LUZP2: variants seen among roughly 807,000 people sequenced by gnomAD.
LUZP2 encodes leucine zipper protein 2.
Under a neutral mutation model 51.6 loss-of-function variants are expected in LUZP2, and 52 were observed. The ratio of observed to expected loss-of-function variants is 1.01; its 90% confidence interval spans 0.81 to 1.27. LUZP2 has a LOEUF of 1.27. LUZP2 is among the 50% of genes most tolerant of loss of function. The pLI is 0.00. For missense variants in LUZP2, 436 were observed against 395.4 expected (o/e 1.10, Z -0.87); for synonymous variants, 154 against 137.3 (o/e 1.12, Z -0.85).
chr11:24,682,643 C>T (rs552587021), intron 1 of LUZP2, among the ~76,000 whole-genome samples: 7 of 146,880 alleles, frequency 4.8e-5, no homozygotes, highest in Middle Eastern at 3.6e-3. Flanking sequence ...CATATATATA[C>T]ACACACACAC....
chr11:24,903,601 G>C (rs12290807), intron 5 of LUZP2, among the ~76,000 whole-genome samples: 1 of 151,980 alleles, frequency 6.6e-6, no homozygotes, highest in Non-Finnish European at 1.5e-5. Flanking sequence ...GAGTTATTGC[G>C]TATAATATGT....
chr11:24,759,183 T>C (rs1859886890), intron 4 of LUZP2, among the ~76,000 whole-genome samples: 1 of 152,176 alleles, frequency 6.6e-6, no homozygotes, highest in Admixed American at 6.5e-5. Flanking sequence ...TGTTAATTTT[T>C]ATGGCTTAAC....
intron 1 of LUZP2, among the ~76,000 whole-genome samples, chr11:24,630,149 C>T (rs2133924293): frequency 6.6e-6 from 1 of 151,360 alleles, no homozygotes; most frequent in East Asian, 2.0e-4. Context: ...GTTGTCTGTT[C>T]ACTCTGTTAA....
At chr11:25,045,119 A>G (rs980786532) in intron 9 of LUZP2, among the ~76,000 whole-genome samples, 11 of 150,906 alleles carry the variant, frequency 7.3e-5, no homozygotes, top group Non-Finnish European at 1.5e-5. Context: ...ATGACGAGTT[A>G]ATGGGTGCAG....
chr11:24,577,761 C>G (rs914747019), intron 1 of LUZP2, among the ~76,000 whole-genome samples: 8 of 152,028 alleles, frequency 5.3e-5, no homozygotes, highest in African/African-American at 2.4e-5. Flanking sequence ...CTAATGATTG[C>G]TATTACACCT....
In LUZP2 at chr11:24,918,842, C is replaced by A. The variant is rs1054840549; in HGVS notation, c.522+4304C>A. ...ATACACATATATCTCCATTGGAATA[C>A]ATCTATATATATATGTTCTTTATAT... On this transcript the variant is annotated intron_variant, in intron 7 of 11. Transcript: ENST00000336930. Among the ~76,000 whole-genome samples, 8 of 45,530 alleles carry A rather than the reference C, an allele frequency of 1.8e-4. 2 individuals carry two copies. Among genetic ancestry groups the A allele is most frequent in the African/African-American group, 1.7e-3 (8 of 4,664 alleles). The allele number at this position is 45,530 out of a possible 152,430, so 29.9% of individuals were successfully genotyped here.
chr11:24,744,126 A>G (rs377581747), intron 4 of LUZP2, among the ~76,000 whole-genome samples: 6 of 152,112 alleles, frequency 3.9e-5, no homozygotes, highest in African/African-American at 1.4e-4. Context: ...GTATTTTGTT[A>G]AGGATTTTAG....
chr11:25,009,059 A>G (rs1856913683), intron 9 of LUZP2, among the ~76,000 whole-genome samples: 1 of 152,164 alleles, frequency 6.6e-6, no homozygotes, highest in Non-Finnish European at 1.5e-5. Context: ...CATAAACACT[A>G]ATATACAAAA....
intron 7 of LUZP2, among the ~76,000 whole-genome samples, chr11:24,924,295 C>T (rs1383364091): frequency 6.6e-6 from 1 of 152,124 alleles, no homozygotes; most frequent in Admixed American, 6.5e-5. Context: ...CAAGGATGGT[C>T]TCGGTCTCCT....
At chr11:24,683,893 C>T (rs531993021) in intron 1 of LUZP2, among the ~76,000 whole-genome samples, 58 of 151,998 alleles carry the variant, frequency 3.8e-4, no homozygotes, top group Non-Finnish European at 6.9e-4. Flanking sequence ...ACAGAACCCA[C>T]CATCCCTTTA....
chr11:24,520,125 T>C (rs1035316228), intron 1 of LUZP2, among the ~76,000 whole-genome samples: 1 of 152,128 alleles, frequency 6.6e-6, no homozygotes, highest in Non-Finnish European at 1.5e-5. Context: ...GAATTTTGAA[T>C]GGGAGAATTT....
At chr11:24,823,773 G>C (rs1191569643) in intron 5 of LUZP2, among the ~76,000 whole-genome samples, 1 of 152,148 alleles carries the variant, frequency 6.6e-6, no homozygotes, top group Non-Finnish European at 1.5e-5. Context: ...CTTAGAAAAT[G>C]AGTGGTACGG....
At chr11:25,030,913 T>TATATATATATATTATA (rs1565254339) in intron 9 of LUZP2, among the ~76,000 whole-genome samples, 9 of 16,530 alleles carry the variant, frequency 5.4e-4, no homozygotes, top group African/African-American at 2.6e-3. Context: ...ATAATATATA[T>TATATATATATATTATA]TGTATTATAT....
In LUZP2 at chr11:24,697,901, C is replaced by T. The variant is rs1857296735; in HGVS notation, c.63-31268C>T. On this transcript the variant is annotated intron_variant, in intron 1 of 11. Transcript: ENST00000336930. The stretch of plus-strand genomic sequence containing the variant: ...TGAATGACGCCACTTGGATCCATGA[C>T]TCACACTAAGGAACTGATTCAGCTG... Among the ~76,000 whole-genome samples, 4 of 152,112 alleles carry T rather than the reference C, an allele frequency of 2.6e-5. No individual in the cohort carries two copies. In the South Asian group the frequency reaches 8.3e-4, roughly 32 times the overall value.
intron 7 of LUZP2, among the ~76,000 whole-genome samples, chr11:24,966,692 CATATT>C (rs1441050548): frequency 1.4e-5 from 2 of 147,036 alleles, no homozygotes; most frequent in Admixed American, 6.8e-5. Context: ...ATTTTATATG[CATATT>C]ATATTATATA....
chr11:25,023,456 G>A (rs1384934088), intron 9 of LUZP2, among the ~76,000 whole-genome samples: 2 of 152,052 alleles, frequency 1.3e-5, no homozygotes. Flanking sequence ...TACTCTGATG[G>A]TAGTTTGTAT....
Position 24,740,866 on chromosome 11 carries a change from A to AT in LUZP2, c.333+2567dup, listed in dbSNP as rs766696173. 7.9e-5 allele frequency among the ~76,000 whole-genome samples: 12 copies of AT among 152,150 alleles called. No homozygotes were observed. In the South Asian group the frequency reaches 1.7e-3, roughly 21 times the overall value. On this transcript the variant is annotated intron_variant, in intron 4 of 11. Transcript: ENST00000336930. ...GTCAATGGTACTAATGTAACAGGTTATTTGGTGGTTATATGAGATGATGCA... is the reference window on the plus strand; with the variant it reads ...GTCAATGGTACTAATGTAACAGGTTATTTTGGTGGTTATATGAGATGATGCA...
intron 8 of LUZP2, among the ~76,000 whole-genome samples, chr11:24,979,243 A>G (rs932815699): frequency 6.6e-6 from 1 of 151,686 alleles, no homozygotes; most frequent in African/African-American, 2.4e-5. Context: ...TCCCTCTTTA[A>G]CCTTCAGATC....
intron 1 of LUZP2, among the ~76,000 whole-genome samples, chr11:24,551,097 T>C (rs1465003200): frequency 6.6e-6 from 1 of 152,036 alleles, no homozygotes; most frequent in Non-Finnish European, 1.5e-5. Context: ...TACATATGAG[T>C]ATACATTTAT....
Sources: allele counts gnomAD v4.1 joint callset (sites outside exome capture counted in the v4.1 genomes callset), GRCh38; gene constraint gnomAD v4.1.1; transcripts MANE v1.5; gene names NCBI Gene and HGNC (gene_info 2026-07-23, HGNC 2026-07-21).